The following HEG1 variants were observed in gnomAD, a reference collection of about 807,000 sequenced individuals.
HEG1 encodes the protein protein HEG homolog 1.
Under a neutral mutation model 125.6 loss-of-function variants are expected in HEG1, and 56 were observed. That is an observed-to-expected ratio of 0.45 (90% CI 0.36 to 0.56). HEG1 has a LOEUF of 0.56. Ranked by LOEUF, HEG1 falls within the 20% of genes least tolerant of loss-of-function variation. The probability of loss-of-function intolerance (pLI) is 0.00; values close to 1 mark genes in which losing one functional copy is unlikely to be tolerated. For synonymous variants in HEG1, 644 were observed against 668.5 expected, an observed-to-expected ratio of 0.96 and a Z score of 0.57; for missense variants, 1,523 against 1,670.0, an observed-to-expected ratio of 0.91 and a Z score of 1.53.
At chr3:124,995,038 C>T (rs1579405743) in intron 12 of HEG1, among the ~76,000 whole-genome samples, 2 of 152,182 alleles carry the variant, frequency 1.3e-5, no homozygotes, top group South Asian at 4.1e-4. Context: ...GTGGCTCATG[C>T]CTGTAATCCT....
intron 15 of HEG1, among the ~76,000 whole-genome samples, chr3:124,975,605 T>C (rs1189106807): frequency 6.6e-6 from 1 of 152,222 alleles, no homozygotes; most frequent in Non-Finnish European, 1.5e-5. Flanking sequence ...TGTGCAACCA[T>C]CATCACAATT....
At chr3:124,996,509 A>G (rs1201428071) in intron 12 of HEG1, among the ~76,000 whole-genome samples, 1 of 152,190 alleles carries the variant, frequency 6.6e-6, no homozygotes, top group African/African-American at 2.4e-5. Context: ...GCTGTGTCCT[A>G]GTCACACATC....
Position 125,013,464 on chromosome 3 carries a change from G to C in HEG1, c.2115C>G (p.Thr705=). 6.2e-7 allele frequency: 1 copy of C among 1,613,882 alleles called. No individual in the cohort carries two copies. The highest frequency in any genetic ancestry group is 2.2e-5 in the East Asian group (1 of 44,884). ...TRASVHLLKS[T]SDASTPWSSS... ...AAGACCATGGTGTGGATGCATCAGAGGTAGACTTTAGTAGATGCACAGAGG... is the reference window on the plus strand; with the variant it reads ...AAGACCATGGTGTGGATGCATCAGACGTAGACTTTAGTAGATGCACAGAGG... Residue 705 remains threonine, a synonymous_variant, in exon 6 of 17, where the codon ACC becomes ACG. Transcript: ENST00000311127.
In HEG1 at chr3:124,978,443, G is replaced by A. The variant is rs927905399; in HGVS notation, c.3734-497C>T. 5.3e-5 allele frequency among the ~76,000 whole-genome samples: 8 copies of A among 152,134 alleles called. No individual in the cohort carries two copies. In the South Asian group the frequency reaches 8.3e-4, roughly 16 times the overall value. On this transcript the variant is annotated intron_variant, in intron 14 of 16. Coordinates refer to ENST00000311127, the MANE Select transcript of HEG1 (RefSeq NM_020733.2). ...ATTACAGGCGTGAGCCACCGCGCCCGGCCGAAAAGCTCCCTTTTTTAAGCC... is the reference window on the plus strand; with the variant it reads ...ATTACAGGCGTGAGCCACCGCGCCCAGCCGAAAAGCTCCCTTTTTTAAGCC...
Position 125,015,321 on chromosome 3 carries a change from A to T in HEG1, c.1589-1331T>A, listed in dbSNP as rs868490717. Among the ~76,000 whole-genome samples, 15 of 152,320 alleles carry T rather than the reference A, an allele frequency of 9.8e-5. 1 individual carries two copies. The South Asian group carries it at 1.2e-3, about 13-fold the overall frequency. ...TAGAGTTTATGTCAGAGAAATTGGT[A>T]GTGGTGGTGAGGAGGTAAACAGTTG... On this transcript the variant is annotated intron_variant, in intron 5 of 16. Coordinates refer to ENST00000311127, the MANE Select transcript of HEG1 (RefSeq NM_020733.2).
rs371412515 is a variant in HEG1 at position 125,008,924 on chromosome 3, C to T, written c.3193+781G>A. ...TCACACCCTGCAAGCAAGAAAGCTC[C>T]TAAAGTTAACACATTATCATGTAAT... On this transcript the variant is annotated intron_variant, in intron 8 of 16. Transcript: ENST00000311127. Among the ~76,000 whole-genome samples the T allele has an allele frequency of 1.8e-4, 28 of 152,352 alleles. No individual in the cohort carries two copies. In the South Asian group the frequency reaches 5.8e-3, roughly 32 times the overall value.
intron 5 of HEG1, among the ~76,000 whole-genome samples, chr3:125,018,257 AG>A (rs1307900987): frequency 6.6e-6 from 1 of 152,344 alleles, no homozygotes; most frequent in East Asian, 1.9e-4. Context: ...CATGACACTA[AG>A]GGAAAGACAC....
At chr3:125,037,821 T>G (rs972201494) in intron 1 of HEG1, among the ~76,000 whole-genome samples, 1 of 152,198 alleles carries the variant, frequency 6.6e-6, no homozygotes, top group African/African-American at 2.4e-5. Context: ...TCAGACCATG[T>G]AGGTTAGACT....
intron 15 of HEG1, 48 bp downstream of exon 15, chr3:124,977,811 T>A (rs751098371): frequency 1.6e-6 from 2 of 1,244,228 alleles, no homozygotes; most frequent in South Asian, 2.6e-5. Context: ...GACCCTTGTA[T>A]AGCACAGGCA....
chr3:124,979,633 C>T lies in HEG1; in HGVS notation c.3734-1687G>A, dbSNP rs543204641. Among the ~76,000 whole-genome samples the T allele has an allele frequency of 1.2e-4, 19 of 152,212 alleles. 1 individual carries two copies. The East Asian group carries it at 3.5e-3, about 28-fold the overall frequency. Reference sequence around the variant, plus strand: ...TCTAGTTGTAGGATCCAGGATGAAACACCAGTAGCCGGATTCTCGATAGTA... The same window carrying T: ...TCTAGTTGTAGGATCCAGGATGAAATACCAGTAGCCGGATTCTCGATAGTA... On this transcript the variant is annotated intron_variant, in intron 14 of 16. Coordinates refer to ENST00000311127, the MANE Select transcript of HEG1 (RefSeq NM_020733.2).
Position 125,013,149 on chromosome 3 carries a change from T to C in HEG1, c.2430A>G (p.Thr810=). 6.2e-7 allele frequency: 1 copy of C among 1,613,980 alleles called. No individual in the cohort carries two copies. Among genetic ancestry groups the C allele is most frequent in the Non-Finnish European group, 8.5e-7 (1 of 1,179,870 alleles). ...SLPTESTKAV[T]TNSPLPPSLT... Reference sequence around the variant, plus strand: ...AGGATGGAGGCAAAGGAGAGTTTGTTGTTACAGCTTTGGTGGACTCTGTGG... The same window carrying C: ...AGGATGGAGGCAAAGGAGAGTTTGTCGTTACAGCTTTGGTGGACTCTGTGG... The change falls in exon 6 of 17, where the codon ACA becomes ACG. Residue 810 remains threonine, a synonymous_variant. Coordinates refer to ENST00000311127, the MANE Select transcript of HEG1 (RefSeq NM_020733.2).
At chr3:125,043,313 G>C (rs1435931401) in intron 1 of HEG1, among the ~76,000 whole-genome samples, 1 of 152,174 alleles carries the variant, frequency 6.6e-6, no homozygotes, top group Non-Finnish European at 1.5e-5. Context: ...AACTGGCTCT[G>C]AGGTGGCCTC....
intron 1 of HEG1, among the ~76,000 whole-genome samples, chr3:125,041,724 A>C (rs7429927): frequency 0.19 from 28,854 of 152,238 alleles, 3,388 homozygotes; most frequent in Non-Finnish European, 0.27. Context: ...TGAAAGGATA[A>C]ACAAAATGTG....
chr3:124,974,830 G>A (rs1936505948), intron 15 of HEG1, among the ~76,000 whole-genome samples: 2 of 152,214 alleles, frequency 1.3e-5, no homozygotes, highest in Non-Finnish European at 2.9e-5. Flanking sequence ...TGGCTTAGGT[G>A]CTGGCTCTTT....
At chr3:124,991,700 C>T (rs1479152781) in intron 12 of HEG1, among the ~76,000 whole-genome samples, 1 of 152,076 alleles carries the variant, frequency 6.6e-6, no homozygotes, top group African/African-American at 2.4e-5. Flanking sequence ...CAACCTCGAC[C>T]TCCCAGGTTC....
intron 1 of HEG1, among the ~76,000 whole-genome samples, chr3:125,045,727 C>G (rs1377805022): frequency 6.6e-6 from 1 of 152,234 alleles, no homozygotes; most frequent in Non-Finnish European, 1.5e-5. Flanking sequence ...AGACATAACG[C>G]CTGATGTGTT....
At chr3:125,055,527 G>T (rs994258411) in intron 1 of HEG1, 48 bp downstream of exon 1, 3 of 1,138,212 alleles carry the variant, frequency 2.6e-6, no homozygotes, top group Non-Finnish European at 2.2e-6. Flanking sequence ...GCGCGCCCAC[G>T]CCCCCAGCAC....
chr3:125,032,186 G>C (rs1937509517), intron 1 of HEG1, among the ~76,000 whole-genome samples: 1 of 152,164 alleles, frequency 6.6e-6, no homozygotes, highest in African/African-American at 2.4e-5. Flanking sequence ...TGCATCACTT[G>C]CCAGTGCAGT....
At chr3:124,985,185 G>C (rs921442244) in intron 14 of HEG1, among the ~76,000 whole-genome samples, 1 of 152,114 alleles carries the variant, frequency 6.6e-6, no homozygotes, top group Non-Finnish European at 1.5e-5. Flanking sequence ...TGGGGAGCCC[G>C]AAGTTGCTCA....
Sources: gnomAD v4.1 joint callset for allele counts (sites outside exome capture counted in the v4.1 genomes callset) on GRCh38, gnomAD v4.1.1 for gene constraint, MANE v1.5 for transcripts, NCBI Gene and HGNC (gene_info 2026-07-23, HGNC 2026-07-21) for gene names.